The following MAST4 variants were observed in gnomAD, a reference collection of about 807,000 sequenced individuals.
The protein encoded by MAST4 is microtubule-associated serine/threonine-protein kinase 4.
A neutral mutation model predicts 162.7 loss-of-function variants in MAST4; 89 were observed. That is an observed-to-expected ratio of 0.55 (90% CI 0.46 to 0.65). MAST4 has a LOEUF of 0.65. MAST4 is among the 30% of genes least tolerant of loss of function. MAST4 has a pLI of 0.00. For synonymous variants in MAST4, 1,479 were observed against 1,361.1 expected (o/e 1.09, Z -1.91); for missense variants, 3,153 against 3,374.0 (o/e 0.93, Z 1.62).
chr5:66,783,666 T>C (rs1433917211), intron 2 of MAST4, among the ~76,000 whole-genome samples: 1 of 152,162 alleles, frequency 6.6e-6, no homozygotes, highest in African/African-American at 2.4e-5. Context: ...GATTGGACTT[T>C]CACGAGATGG....
intron 2 of MAST4, among the ~76,000 whole-genome samples, chr5:66,764,511 T>C (rs1753997387): frequency 6.6e-6 from 1 of 152,172 alleles, no homozygotes; most frequent in South Asian, 2.1e-4. Flanking sequence ...TATATGACAG[T>C]GGTCCCATAA....
intron 1 of MAST4, among the ~76,000 whole-genome samples, chr5:66,753,193 A>C (rs913251082): frequency 7.9e-5 from 12 of 152,234 alleles, no homozygotes; most frequent in Admixed American, 5.2e-4. Flanking sequence ...CCCAAAAGAG[A>C]AAGCAGGAAA....
intron 1 of MAST4, among the ~76,000 whole-genome samples, chr5:66,747,714 T>C (rs1295175138): frequency 6.6e-6 from 1 of 152,032 alleles, no homozygotes. Flanking sequence ...AAAAGGAAAG[T>C]GAGTGTAGGG....
intron 4 of MAST4, among the ~76,000 whole-genome samples, chr5:66,928,859 G>T (rs969398823): frequency 1.3e-5 from 2 of 152,184 alleles, no homozygotes; most frequent in Admixed American, 6.5e-5. Context: ...CTCAGTAGTG[G>T]TGTCTCCTTG....
At chr5:66,949,764 ATTTACT>A (rs1302823261) in intron 4 of MAST4, among the ~76,000 whole-genome samples, 1 of 152,002 alleles carries the variant, frequency 6.6e-6, no homozygotes, top group East Asian at 1.9e-4. Context: ...TTCTGATTTA[ATTTACT>A]TTTAATTTTC....
At chr5:66,764,351 G>A (rs972373812) in intron 2 of MAST4, among the ~76,000 whole-genome samples, 6 of 152,200 alleles carry the variant, frequency 3.9e-5, no homozygotes, top group Admixed American at 1.3e-4. Context: ...TTCTGCTGGT[G>A]TCATATCTGC....
At chr5:67,041,030 C>A (rs1291527764) in intron 4 of MAST4, among the ~76,000 whole-genome samples, 1 of 152,130 alleles carries the variant, frequency 6.6e-6, no homozygotes, top group African/African-American at 2.4e-5. Context: ...TAAACCATTG[C>A]TTGGAGTGTG....
chr5:66,757,552 C>A (rs1356714322), intron 1 of MAST4, among the ~76,000 whole-genome samples: 1 of 151,978 alleles, frequency 6.6e-6, no homozygotes, highest in Non-Finnish European at 1.5e-5. Context: ...TTTGAGACAC[C>A]TTATAAGACT....
chr5:66,951,838 T>C (rs1226463273), intron 4 of MAST4, among the ~76,000 whole-genome samples: 1 of 152,136 alleles, frequency 6.6e-6, no homozygotes, highest in African/African-American at 2.4e-5. Flanking sequence ...ATCAAACATA[T>C]CAGATAACCT....
intron 5 of MAST4, among the ~76,000 whole-genome samples, chr5:67,078,422 A>C (rs1043448776): frequency 2.0e-5 from 3 of 151,166 alleles, no homozygotes; most frequent in Non-Finnish European, 4.4e-5. Context: ...AAAAAGAAAC[A>C]CAAATCGTCA....
intron 3 of MAST4, among the ~76,000 whole-genome samples, chr5:66,882,243 T>G (rs1761737445): frequency 6.6e-6 from 1 of 152,228 alleles, no homozygotes; most frequent in African/African-American, 2.4e-5. Context: ...GCCTAGGATT[T>G]GCTGAGCCTC....
At chr5:66,652,845 T>G (rs1459321151) in intron 1 of MAST4, among the ~76,000 whole-genome samples, 1 of 152,224 alleles carries the variant, frequency 6.6e-6, no homozygotes, top group East Asian at 1.9e-4. Flanking sequence ...GAAAAAAATT[T>G]GTTTGCTCTC....
intron 1 of MAST4, among the ~76,000 whole-genome samples, chr5:66,661,255 C>T (rs1001025711): frequency 2.0e-4 from 31 of 152,330 alleles, no homozygotes; most frequent in Non-Finnish European, 3.1e-4. Context: ...GCCCTTCTCT[C>T]CTGACATTCA....
At chr5:67,087,825 A>G (rs1763415859) in intron 5 of MAST4, among the ~76,000 whole-genome samples, 2 of 152,324 alleles carry the variant, frequency 1.3e-5, no homozygotes, top group South Asian at 2.1e-4. Context: ...AGTAAGATAG[A>G]ACTAACACCT....
At chr5:66,880,726 G>A (rs1229307701) in intron 3 of MAST4, among the ~76,000 whole-genome samples, 1 of 152,200 alleles carries the variant, frequency 6.6e-6, no homozygotes, top group African/African-American at 2.4e-5. Context: ...TAATTCTAAG[G>A]AGAGTGGATT....
At chr5:67,067,309 T>C (rs1760367030) in intron 5 of MAST4, among the ~76,000 whole-genome samples, 1 of 152,210 alleles carries the variant, frequency 6.6e-6, no homozygotes, top group South Asian at 2.1e-4. Flanking sequence ...CTTTGGGCAG[T>C]TCACTCTCTG....
At chr5:67,141,115 G>C (rs1414642866) in intron 19 of MAST4, among the ~76,000 whole-genome samples, 1 of 152,122 alleles carries the variant, frequency 6.6e-6, no homozygotes, top group East Asian at 1.9e-4. Flanking sequence ...TTTGCATTCA[G>C]CTTGGCATTT....
intron 1 of MAST4, among the ~76,000 whole-genome samples, chr5:66,661,590 T>C (rs1746914611): frequency 6.6e-6 from 1 of 152,208 alleles, no homozygotes; most frequent in Non-Finnish European, 1.5e-5. Context: ...CTGCCTATAG[T>C]ATTTGTTGCA....
At chr5:67,100,395 T>G (rs1276241886) in intron 7 of MAST4, 40 bp from the exon 8 acceptor site, 1 of 1,607,950 alleles carries the variant, frequency 6.2e-7, no homozygotes, top group Non-Finnish European at 8.5e-7. Context: ...AAGAGTTTCT[T>G]TCTGAGGTAG....
Sources: gnomAD v4.1 joint callset for allele counts (sites outside exome capture counted in the v4.1 genomes callset) on GRCh38, gnomAD v4.1.1 for gene constraint, MANE v1.5 for transcripts, NCBI Gene and HGNC (gene_info 2026-07-23, HGNC 2026-07-21) for gene names.